MRPS28: variants seen among roughly 807,000 people sequenced by gnomAD.
The protein encoded by MRPS28 is small ribosomal subunit protein bS1m.
A neutral mutation model predicts 10.8 loss-of-function variants in MRPS28; 7 were observed. The ratio of observed to expected loss-of-function variants is 0.65; its 90% CI spans 0.37 to 1.22. The LOEUF (loss-of-function observed/expected upper bound fraction) is 1.22. MRPS28 is among the 50% of genes most tolerant of loss of function. The pLI, the probability that MRPS28 is intolerant of heterozygous loss-of-function variation, is 0.02. For synonymous variants in MRPS28, 121 were observed against 93.3 expected, an observed-to-expected ratio of 1.30 and a Z score of -1.71; for missense variants, 265 against 232.9, an observed-to-expected ratio of 1.14 and a Z score of -0.90.
chr8:79,920,239 C>T (rs988924743), intron 2 of MRPS28, among the ~76,000 whole-genome samples: 13 of 152,058 alleles, frequency 8.5e-5, no homozygotes, highest in African/African-American at 9.6e-5. Context: ...CGAATGGTAC[C>T]GCAATAAACA....
At chr8:79,958,932 A>T (rs1451038596) in intron 2 of MRPS28, among the ~76,000 whole-genome samples, 1 of 152,156 alleles carries the variant, frequency 6.6e-6, no homozygotes, top group Non-Finnish European at 1.5e-5. Flanking sequence ...AAAGATAGAC[A>T]TGGGGTTACA....
chr8:79,932,148 T>C (rs922081349), intron 2 of MRPS28, among the ~76,000 whole-genome samples: 6 of 152,126 alleles, frequency 3.9e-5, no homozygotes, highest in Non-Finnish European at 7.4e-5. Flanking sequence ...GATGCTGCAA[T>C]AACCAGTAAG....
intron 2 of MRPS28, among the ~76,000 whole-genome samples, chr8:79,976,049 C>T (rs1168439053): frequency 1.3e-5 from 2 of 151,430 alleles, no homozygotes; most frequent in African/African-American, 4.8e-5. Context: ...AGGCAGTATG[C>T]AAAAATACTG....
In MRPS28 at chr8:79,919,941, T is replaced by TCCCCCCA. The variant is rs1554567159; in HGVS notation, c.396-800_396-794dup. 4.0e-3 allele frequency among the ~76,000 whole-genome samples: 356 copies of TCCCCCCA among 89,486 alleles called. 6 individuals are homozygous for TCCCCCCA. Among genetic ancestry groups the TCCCCCCA allele is most frequent in the African/African-American group, 0.013 (305 of 23,600 alleles). The allele number at this position is 89,486 out of a possible 152,430, so 58.7% of individuals were successfully genotyped here. A position where few individuals can be genotyped will look rare whatever the true frequency, so the allele number is the denominator to read the frequency against. ...TAGGTATATCTCCTAATGCTATCCC[T>TCCCCCCA]CCCCCCACCCCATAACAGGCCCCGG... On this transcript the variant is annotated intron_variant, in intron 2 of 2. Coordinates refer to ENST00000276585, the MANE Select transcript of MRPS28 (RefSeq NM_014018.3).
At position 80,029,949 on chromosome 8, in the gene MRPS28, A is replaced by G. The variant is rs1586108178; in HGVS notation, c.213+87T>C. On this transcript the variant is annotated intron_variant, in intron 1 of 2. Transcript: ENST00000276585. ...GCCCCGGACCTCAGCTCCCCTTCCT[A>G]AGCCAGGCTCCGCCCCTATTCCCGA... The G allele has an allele frequency of 5.8e-6, 9 of 1,540,532 alleles. No individual in the cohort carries two copies. In the East Asian group the frequency reaches 2.2e-4, roughly 38 times the overall value.
chr8:80,005,730 T>C (rs1272218299), intron 1 of MRPS28, among the ~76,000 whole-genome samples: 4 of 152,078 alleles, frequency 2.6e-5, no homozygotes, highest in Admixed American at 6.5e-5. Context: ...GTGCTGTATT[T>C]AGGAGACCCA....
intron 2 of MRPS28, among the ~76,000 whole-genome samples, chr8:79,955,309 G>A (rs1445472171): frequency 3.3e-5 from 5 of 152,074 alleles, no homozygotes; most frequent in Non-Finnish European, 5.9e-5. Flanking sequence ...TTAACTTCTC[G>A]AATTTTAGGC....
At chr8:80,008,597 T>A (rs1227740946) in intron 1 of MRPS28, among the ~76,000 whole-genome samples, 2 of 152,014 alleles carry the variant, frequency 1.3e-5, no homozygotes, top group African/African-American at 4.8e-5. Flanking sequence ...AACAACCCCA[T>A]CAAAAAGTGG....
At chr8:79,939,068 C>T (rs1806686649) in intron 2 of MRPS28, among the ~76,000 whole-genome samples, 2 of 152,118 alleles carry the variant, frequency 1.3e-5, no homozygotes, top group African/African-American at 4.8e-5. Context: ...AGATCAGGGC[C>T]GAGGTTCTCT....
At position 79,919,094 on chromosome 8, in the gene MRPS28, C is replaced by T. The variant is rs149958047; in HGVS notation, c.450G>A (p.Thr150=). 223 of 1,609,856 alleles carry T rather than the reference C, an allele frequency of 1.4e-4. No homozygotes were observed. The highest frequency in any genetic ancestry group is 3.3e-4 in the Middle Eastern group (2 of 6,048). ...CTGTTGTTGCTCCCAGGAACCTAGA[C>T]GTAAGTTCAAGATCTAATAGCCGCA... The part of the protein sequence containing the change: ...VRLRLLDLEL[T]SRFLGATTDT... The change falls in exon 3 of 3, where the codon ACG becomes ACA. Residue 150 remains threonine, a synonymous_variant. Transcript: ENST00000276585.
chr8:79,933,680 G>C (rs1043358910), intron 2 of MRPS28, among the ~76,000 whole-genome samples: 2 of 152,100 alleles, frequency 1.3e-5, no homozygotes, highest in African/African-American at 4.8e-5. Flanking sequence ...ATACACTAGT[G>C]GTATAGGTAA....
Position 79,936,089 on chromosome 8 carries a change from A to T in MRPS28, c.396-16941T>A, listed in dbSNP as rs548847260. 6.6e-5 allele frequency among the ~76,000 whole-genome samples: 10 copies of T among 152,010 alleles called. No homozygotes were observed. The South Asian group carries it at 2.1e-3, about 31-fold the overall frequency. On this transcript the variant is annotated intron_variant, in intron 2 of 2. Transcript: ENST00000276585. ...GGGCCAGGTGTGGTGGCTCATGCCTATAATCCAAGCACTTTAGGAGGTCAA... is the reference window on the plus strand; with the variant it reads ...GGGCCAGGTGTGGTGGCTCATGCCTTTAATCCAAGCACTTTAGGAGGTCAA...
At chr8:80,016,195 A>G (rs1259159258) in intron 1 of MRPS28, among the ~76,000 whole-genome samples, 2 of 152,296 alleles carry the variant, frequency 1.3e-5, no homozygotes, top group Middle Eastern at 3.4e-3. Context: ...CTCAGAGGAC[A>G]TCAACCAGAA....
chr8:79,975,282 G>T (rs935084761), intron 2 of MRPS28, among the ~76,000 whole-genome samples: 6 of 152,090 alleles, frequency 3.9e-5, no homozygotes, highest in African/African-American at 9.7e-5. Context: ...GGGCAACAGA[G>T]CAAGACCCTG....
intron 2 of MRPS28, among the ~76,000 whole-genome samples, chr8:79,939,252 A>C (rs568647529): frequency 2.3e-4 from 35 of 152,374 alleles, no homozygotes; most frequent in African/African-American, 8.4e-4. Context: ...TTGCTTGCCA[A>C]GGAGCACACG....
At chr8:79,984,101 G>A (rs1808070780) in intron 2 of MRPS28, among the ~76,000 whole-genome samples, 1 of 152,108 alleles carries the variant, frequency 6.6e-6, no homozygotes, top group Non-Finnish European at 1.5e-5. Flanking sequence ...CAAGCCAGAA[G>A]AGAGTGGGGG....
At position 79,992,885 on chromosome 8, in the gene MRPS28, A is replaced by C. The variant is rs138766972; in HGVS notation, c.395+10114T>G. 6.9e-4 allele frequency among the ~76,000 whole-genome samples: 105 copies of C among 152,348 alleles called. No individual in the cohort carries two copies. In the Middle Eastern group the frequency reaches 0.01, roughly 15 times the overall value. On this transcript the variant is annotated intron_variant, in intron 2 of 2. Coordinates refer to ENST00000276585, the MANE Select transcript of MRPS28 (RefSeq NM_014018.3). Reference sequence around the variant, plus strand: ...AATTCTAACAGTATCTTAGAGTAATAACAAGGTTAAAGAAAATAATGCATG... The same window carrying C: ...AATTCTAACAGTATCTTAGAGTAATCACAAGGTTAAAGAAAATAATGCATG...
chr8:79,934,170 A>G (rs1806543777), intron 2 of MRPS28, among the ~76,000 whole-genome samples: 1 of 152,190 alleles, frequency 6.6e-6, no homozygotes, highest in South Asian at 2.1e-4. Flanking sequence ...GGAGCAGTGT[A>G]ATCTGGTTTC....
chr8:80,018,060 C>T (rs1438064392), intron 1 of MRPS28, among the ~76,000 whole-genome samples: 2 of 151,952 alleles, frequency 1.3e-5, no homozygotes, highest in African/African-American at 4.8e-5. Flanking sequence ...GAGGCCGAGG[C>T]GGGCGGATCA....
Sources: allele counts gnomAD v4.1 joint callset (sites outside exome capture counted in the v4.1 genomes callset), GRCh38; gene constraint gnomAD v4.1.1; transcripts MANE v1.5; gene names NCBI Gene and HGNC (gene_info 2026-07-23, HGNC 2026-07-21).